The following NRG1 variants were observed in gnomAD, a reference collection of about 807,000 sequenced individuals.
NRG1 encodes the protein neuregulin 1.
Under a neutral mutation model 63.8 loss-of-function variants are expected in NRG1, and 18 were observed. The observed-to-expected ratio is 0.28, with a 90% confidence interval of 0.19 to 0.42. The LOEUF (loss-of-function observed/expected upper bound fraction) is 0.42, where lower values mean the gene tolerates loss of function less well. Ranked by LOEUF, NRG1 falls within the 10% of genes least tolerant of loss-of-function variation. The probability of loss-of-function intolerance (pLI) is 1.00; values close to 1 mark genes in which losing one functional copy is unlikely to be tolerated. For synonymous variants in NRG1, 302 were observed against 301.3 expected, an observed-to-expected ratio of 1.00 and a Z score of -0.02; for missense variants, 762 against 814.7, an observed-to-expected ratio of 0.94 and a Z score of 0.79.
intron 1 of NRG1, among the ~76,000 whole-genome samples, chr8:31,704,234 A>C (rs1328003070): frequency 1.3e-5 from 2 of 152,082 alleles, no homozygotes; most frequent in Non-Finnish European, 2.9e-5. Flanking sequence ...TTAGCTTAAA[A>C]CTCTAAAATT....
chr8:31,947,709 C>G (rs893083854), intron 1 of NRG1, among the ~76,000 whole-genome samples: 1 of 151,830 alleles, frequency 6.6e-6, no homozygotes, highest in Non-Finnish European at 1.5e-5. Context: ...TTTAGGAGGC[C>G]AAGGCAGGTG....
At chr8:31,808,801 G>A (rs576341939) in intron 1 of NRG1, among the ~76,000 whole-genome samples, 89 of 151,986 alleles carry the variant, frequency 5.9e-4, no homozygotes, top group Non-Finnish European at 1.1e-3. Context: ...GATTGCCATC[G>A]TTTCATTTTT....
At chr8:32,295,955 A>AAAAG (rs1554500304) in intron 1 of NRG1, among the ~76,000 whole-genome samples, 2 of 135,818 alleles carry the variant, frequency 1.5e-5, no homozygotes, top group African/African-American at 5.2e-5. Context: ...AAAAAAAAAA[A>AAAAG]AGAGAGAGAG....
rs796733989 is a variant in NRG1, at chr8:32,318,022, A to G, written c.38-277806A>G. 8.5e-5 allele frequency among the ~76,000 whole-genome samples: 13 copies of G among 152,348 alleles called. 1 individual carries two copies. The highest frequency in any genetic ancestry group is 3.1e-4 in the African/African-American group (13 of 41,576). ...GAGAAAAAAAATGAGTACAGAGGCCATGCTAGAAGACATAGATAAAATATT... is the reference window on the plus strand; with the variant it reads ...GAGAAAAAAAATGAGTACAGAGGCCGTGCTAGAAGACATAGATAAAATATT... On this transcript the variant is annotated intron_variant, in intron 1 of 10. Transcript: ENST00000519301.
intron 1 of NRG1, among the ~76,000 whole-genome samples, chr8:32,460,704 G>A (rs759801100): frequency 4.6e-5 from 7 of 152,184 alleles, no homozygotes; most frequent in Non-Finnish European, 1.0e-4. Flanking sequence ...CACTGGTTCT[G>A]CTTTCAAACA....
chr8:32,449,282 G>A (rs117139461), intron 1 of NRG1, among the ~76,000 whole-genome samples: 3,093 of 152,050 alleles, frequency 0.02, 50 homozygotes, highest in Non-Finnish European at 0.032. Flanking sequence ...GGGCAACAGA[G>A]CAAGACCTTG....
At chr8:32,269,826 C>T (rs1851359864) in intron 1 of NRG1, among the ~76,000 whole-genome samples, 1 of 152,076 alleles carries the variant, frequency 6.6e-6, no homozygotes, top group Non-Finnish European at 1.5e-5. Flanking sequence ...TTGTAGAGAA[C>T]TTATTTCTCT....
chr8:32,245,918 T>C (rs1012272845), intron 1 of NRG1, among the ~76,000 whole-genome samples: 1 of 152,092 alleles, frequency 6.6e-6, no homozygotes, highest in African/African-American at 2.4e-5. Context: ...GTCCCAAAAA[T>C]ATCTCAAGTT....
intron 1 of NRG1, among the ~76,000 whole-genome samples, chr8:32,506,733 G>A (rs1037324174): frequency 5.9e-5 from 9 of 151,998 alleles, no homozygotes; most frequent in African/African-American, 2.2e-4. Flanking sequence ...GGATCTTTTT[G>A]ACTGGGCATG....
intron 1 of NRG1, among the ~76,000 whole-genome samples, chr8:32,091,155 G>A (rs966047878): frequency 6.6e-6 from 1 of 151,722 alleles, no homozygotes. Context: ...GCGGGTGCCT[G>A]TAGTCCCAGC....
chr8:32,119,213 CTCA>C (rs947197195), intron 1 of NRG1, among the ~76,000 whole-genome samples: 3 of 152,106 alleles, frequency 2.0e-5, no homozygotes, highest in Admixed American at 2.0e-4. Flanking sequence ...GTGTTTTTAC[CTCA>C]TTAAATCCTA....
chr8:32,006,111 A>G (rs946266503), intron 1 of NRG1, among the ~76,000 whole-genome samples: 8 of 152,022 alleles, frequency 5.3e-5, no homozygotes, highest in African/African-American at 1.7e-4. Flanking sequence ...TCTATTTTAT[A>G]TGATCTAACT....
Position 32,723,555 on chromosome 8 carries a change from G to A in NRG1, c.503-4394G>A, listed in dbSNP as rs777448334. On this transcript the variant is annotated intron_variant, in intron 5 of 11. Coordinates refer to ENST00000356819, the Ensembl canonical transcript of NRG1. Reference sequence around the variant, plus strand: ...AAAAAAATTAGCCGGGTGTGGTGGCGCATGGCTGTAGTACCAGCTAGCTAC... The same window carrying A: ...AAAAAAATTAGCCGGGTGTGGTGGCACATGGCTGTAGTACCAGCTAGCTAC... Among the ~76,000 whole-genome samples the A allele has an allele frequency of 1.4e-4, 21 of 151,540 alleles. No individual in the cohort carries two copies. In the East Asian group the frequency reaches 1.8e-3, roughly 13 times the overall value.
chr8:32,468,722 GT>G (rs151112582), intron 1 of NRG1, among the ~76,000 whole-genome samples: 133 of 143,878 alleles, frequency 9.2e-4, no homozygotes, highest in East Asian at 2.6e-3. Flanking sequence ...TAACATTACA[GT>G]TTTTTTTTTT....
At chr8:31,972,639 G>T (rs1807487022) in intron 1 of NRG1, among the ~76,000 whole-genome samples, 1 of 151,996 alleles carries the variant, frequency 6.6e-6, no homozygotes, top group Non-Finnish European at 1.5e-5. Context: ...GACTCTCTTG[G>T]CCTTTCAACT....
At chr8:32,648,427 A>G in intron 5 of NRG1, 1 of 1,593,994 alleles carries the variant, frequency 6.3e-7, no homozygotes, top group Non-Finnish European at 8.6e-7. Context: ...TGATGAATAA[A>G]AGGGGTGGGT....
chr8:31,824,339 A>G (rs1047306312), intron 1 of NRG1, among the ~76,000 whole-genome samples: 1 of 152,038 alleles, frequency 6.6e-6, no homozygotes, highest in Non-Finnish European at 1.5e-5. Context: ...CCATGTCCCT[A>G]CAAAGGACAT....
intron 1 of NRG1, among the ~76,000 whole-genome samples, chr8:32,352,650 G>A (rs1805762668): frequency 6.6e-6 from 1 of 152,124 alleles, no homozygotes. Context: ...GGAAGTTGAG[G>A]CAGGAGGATT....
At chr8:31,720,929 G>A (rs1812848617) in intron 1 of NRG1, among the ~76,000 whole-genome samples, 1 of 152,296 alleles carries the variant, frequency 6.6e-6, no homozygotes, top group South Asian at 2.1e-4. Flanking sequence ...GCTAATCTTT[G>A]TGGATAAATG....
Sources: gnomAD v4.1 joint callset for allele counts (sites outside exome capture counted in the v4.1 genomes callset) on GRCh38, gnomAD v4.1.1 for gene constraint, MANE v1.5 for transcripts, NCBI Gene and HGNC (gene_info 2026-07-23, HGNC 2026-07-21) for gene names.